NKAIN3: variants seen among roughly 807,000 people sequenced by gnomAD.
NKAIN3 encodes sodium/potassium transporting ATPase interacting 3, also known as sodium/potassium-transporting ATPase subunit beta-1-interacting protein 3.
Under a neutral mutation model 30.2 loss-of-function variants are expected in NKAIN3, and 25 were observed. That is an observed-to-expected ratio of 0.83 (90% CI 0.60 to 1.16). The LOEUF is 1.16. NKAIN3 is among the 50% of genes most tolerant of loss of function. The pLI is 0.00. For synonymous variants in NKAIN3, 91 were observed against 89.6 expected, an observed-to-expected ratio of 1.02 and a Z score of -0.09; for missense variants, 225 against 254.1, an observed-to-expected ratio of 0.89 and a Z score of 0.78.
At position 62,686,242 on chromosome 8, in the gene NKAIN3, G is replaced by C. The variant is rs549600723; in HGVS notation, c.274-60690G>C. ...CATCGGTCTTTGTTCAGAGGTACAA[G>C]GTGATCCAAACCCTTCAAACCCAAC... On this transcript the variant is annotated intron_variant, in intron 3 of 6. Transcript: ENST00000623646. Among the ~76,000 whole-genome samples, 4 of 152,262 alleles carry C rather than the reference G, an allele frequency of 2.6e-5. No individual in the cohort carries two copies. The East Asian group carries it at 7.7e-4, about 29-fold the overall frequency.
intron 3 of NKAIN3, among the ~76,000 whole-genome samples, chr8:62,602,334 C>G (rs1348162361): frequency 6.6e-6 from 1 of 152,038 alleles, no homozygotes; most frequent in African/African-American, 2.4e-5. Flanking sequence ...AATATGTTGT[C>G]TTTGCTCTTT....
chr8:62,525,962 A>G (rs577352874), intron 1 of NKAIN3, among the ~76,000 whole-genome samples: 1 of 152,286 alleles, frequency 6.6e-6, no homozygotes, highest in Admixed American at 6.5e-5. Flanking sequence ...ACGGTTTTTT[A>G]GAAAACATCA....
At chr8:62,752,689 A>G (rs1816325450) in intron 4 of NKAIN3, among the ~76,000 whole-genome samples, 1 of 152,078 alleles carries the variant, frequency 6.6e-6, no homozygotes, top group Admixed American at 6.6e-5. Context: ...TTAACTTCTT[A>G]TTTATCTCCC....
intron 4 of NKAIN3, among the ~76,000 whole-genome samples, chr8:62,766,842 T>C (rs1054838990): frequency 2.0e-5 from 3 of 152,200 alleles, no homozygotes; most frequent in African/African-American, 7.2e-5. Context: ...ATTAAACCTA[T>C]GACATTCCAG....
intron 1 of NKAIN3, among the ~76,000 whole-genome samples, chr8:62,286,711 A>C (rs954884148): frequency 2.0e-5 from 3 of 152,102 alleles, no homozygotes; most frequent in Non-Finnish European, 2.9e-5. Flanking sequence ...ATGAAGAGGC[A>C]AAGGTGACCT....
intron 4 of NKAIN3, among the ~76,000 whole-genome samples, chr8:62,883,201 G>A (rs1374929954): frequency 6.6e-6 from 1 of 152,016 alleles, no homozygotes; most frequent in Non-Finnish European, 1.5e-5. Flanking sequence ...AACATGAGGT[G>A]TGTCTTCTAT....
chr8:62,779,295 A>G lies in NKAIN3; in HGVS notation c.471+32166A>G, dbSNP rs147807230. ...AGCACTAAAGCTTGCCCAGGAGCGC[A>G]GTCCTTATGCTTAGCCTGCTTCTTG... is the stretch of plus-strand genomic sequence containing the variant. On this transcript the variant is annotated intron_variant, in intron 4 of 6. Transcript: ENST00000623646. 7.5e-4 allele frequency among the ~76,000 whole-genome samples: 114 copies of G among 152,254 alleles called. 1 individual carries two copies. Among genetic ancestry groups the G allele is most frequent in the African/African-American group, 2.4e-3 (100 of 41,556 alleles).
At chr8:62,922,544 T>C (rs1350859193) in intron 5 of NKAIN3, among the ~76,000 whole-genome samples, 1 of 152,078 alleles carries the variant, frequency 6.6e-6, no homozygotes, top group African/African-American at 2.4e-5. Flanking sequence ...ATCTTCAGAG[T>C]AGAAAACCAG....
chr8:62,594,712 T>C (rs994880852), intron 3 of NKAIN3, among the ~76,000 whole-genome samples: 10 of 152,082 alleles, frequency 6.6e-5, no homozygotes, highest in African/African-American at 2.4e-4. Flanking sequence ...GTAGTTGTTA[T>C]CAATCTTAAT....
intron 1 of NKAIN3, among the ~76,000 whole-genome samples, chr8:62,260,776 A>G (rs967151984): frequency 1.3e-5 from 2 of 152,202 alleles, no homozygotes; most frequent in African/African-American, 4.8e-5. Flanking sequence ...ATATAAACTT[A>G]TAATTAAATT....
At chr8:62,352,080 G>A (rs1053278368) in intron 1 of NKAIN3, among the ~76,000 whole-genome samples, 2 of 152,174 alleles carry the variant, frequency 1.3e-5, no homozygotes, top group Admixed American at 6.5e-5. Flanking sequence ...TGAAACTAAA[G>A]GATCAGCTAC....
intron 3 of NKAIN3, among the ~76,000 whole-genome samples, chr8:62,657,701 T>C (rs1812802777): frequency 6.6e-6 from 1 of 152,208 alleles, no homozygotes. Context: ...GCATGATCGA[T>C]GGTGCCAACT....
At chr8:62,798,346 C>A in intron 4 of NKAIN3, among the ~76,000 whole-genome samples, 1 of 152,044 alleles carries the variant, frequency 6.6e-6, no homozygotes. Context: ...CTGAGGTGGG[C>A]GGATCATGAG....
chr8:62,350,489 A>T (rs1816146060), intron 1 of NKAIN3, among the ~76,000 whole-genome samples: 1 of 152,090 alleles, frequency 6.6e-6, no homozygotes, highest in Admixed American at 6.6e-5. Flanking sequence ...GTTATTGTTA[A>T]TGGATAGAGT....
intron 5 of NKAIN3, among the ~76,000 whole-genome samples, chr8:62,950,363 C>T (rs912660974): frequency 1.6e-4 from 25 of 152,128 alleles, no homozygotes; most frequent in African/African-American, 5.3e-4. Flanking sequence ...ACATCCTCAC[C>T]TTGAGGACTT....
intron 4 of NKAIN3, among the ~76,000 whole-genome samples, chr8:62,827,392 G>A (rs1031002905): frequency 6.6e-6 from 1 of 152,164 alleles, no homozygotes; most frequent in Admixed American, 6.5e-5. Context: ...AGGTTAAACC[G>A]AGCAGTGTTA....
rs186198728 is a variant in NKAIN3 at position 62,280,867 on chromosome 8, A to G, written c.54+31740A>G. ...TGTTGTGCCTCTGCCAGGCTTTGGT[A>G]TCAGGATGATGCTGGCCTCATAAAA... On this transcript the variant is annotated intron_variant, in intron 1 of 6. Coordinates refer to ENST00000623646, the MANE Select transcript of NKAIN3 (RefSeq NM_001304533.3). Among the ~76,000 whole-genome samples the G allele has an allele frequency of 3.7e-3, 559 of 152,072 alleles. 3 individuals are homozygous for G. Among genetic ancestry groups the G allele is most frequent in the African/African-American group, 0.013 (518 of 41,344 alleles).
At position 62,897,436 on chromosome 8, in the gene NKAIN3, T is replaced by C. The variant is rs1365208159; in HGVS notation, c.472-21017T>C. Among the ~76,000 whole-genome samples, 4 of 152,226 alleles carry C rather than the reference T, an allele frequency of 2.6e-5. No homozygotes were observed. The East Asian group carries it at 7.7e-4, about 29-fold the overall frequency. On this transcript the variant is annotated intron_variant, in intron 4 of 6. Transcript: ENST00000623646. Reference sequence around the variant, plus strand: ...AAAAAATAAACTGATTTGCCAAGACTGGTTTAAAGTAATCTAGTGGCCTTC... The same window carrying C: ...AAAAAATAAACTGATTTGCCAAGACCGGTTTAAAGTAATCTAGTGGCCTTC...
At chr8:62,494,888 G>T (rs1389847097) in intron 1 of NKAIN3, among the ~76,000 whole-genome samples, 1 of 151,894 alleles carries the variant, frequency 6.6e-6, no homozygotes, top group African/African-American at 2.4e-5. Context: ...TATTTATTTG[G>T]ATCTTCTCTC....
Sources: gnomAD v4.1 joint callset for allele counts (sites outside exome capture counted in the v4.1 genomes callset) on GRCh38, gnomAD v4.1.1 for gene constraint, MANE v1.5 for transcripts, NCBI Gene and HGNC (gene_info 2026-07-23, HGNC 2026-07-21) for gene names.